MROH7: variants seen among roughly 807,000 people sequenced by gnomAD.
MROH7 encodes maestro heat-like repeat-containing protein family member 7.
Under a neutral mutation model 129.2 loss-of-function variants are expected in MROH7, and 113 were observed. The observed-to-expected ratio is 0.87, with a 90% confidence interval of 0.75 to 1.02. The LOEUF is 1.02. Ranked by LOEUF, MROH7 falls within the 50% of genes least tolerant of loss-of-function variation. The pLI is 0.00. For synonymous variants in MROH7, 655 were observed against 667.9 expected (o/e 0.98, Z 0.30); for missense variants, 1,601 against 1,671.3 (o/e 0.96, Z 0.73).
intron 3 of MROH7, chr1:54,663,896 G>T: frequency 5.1e-6 from 2 of 395,700 alleles, no homozygotes; most frequent in Non-Finnish European, 9.9e-6. Context: ...TACAATTGGT[G>T]TATCTACTTC....
chr1:54,678,824 C>T lies in MROH7; in HGVS notation c.2019C>T (p.Ser673=). ...KHFLGPYNPV[S]PCQNILRVIE... Reference sequence around the variant, plus strand: ...TCCTGGGGCCCTACAACCCTGTGAGCCCGTGCCAGAACATTCTGCGGGTGA... The same window carrying T: ...TCCTGGGGCCCTACAACCCTGTGAGTCCGTGCCAGAACATTCTGCGGGTGA... The change falls in exon 11 of 24, where the codon AGC becomes AGT. Residue 673 remains serine, a synonymous_variant. Coordinates refer to ENST00000421030, the MANE Select transcript of MROH7 (RefSeq NM_001039464.4). 6.2e-7 allele frequency: 1 copy of T among 1,614,020 alleles called. No homozygotes were observed. The highest frequency in any genetic ancestry group is 8.5e-7 in the Non-Finnish European group (1 of 1,179,936).
intron 17 of MROH7, 175 bp from the exon 18 acceptor site, chr1:54,700,146 C>T: frequency 1.2e-6 from 1 of 823,492 alleles, no homozygotes; most frequent in Non-Finnish European, 2.1e-6. Flanking sequence ...CTCAGCTTTG[C>T]CACATGGTGC....
intron 3 of MROH7, among the ~76,000 whole-genome samples, chr1:54,655,790 C>T (rs776053593): frequency 5.9e-5 from 9 of 152,028 alleles, no homozygotes; most frequent in Admixed American, 1.3e-4. Flanking sequence ...TTCACCTATT[C>T]ACACTTTCCT....
chr1:54,676,367 A>G (rs186711743), intron 10 of MROH7, among the ~76,000 whole-genome samples: 1 of 152,066 alleles, frequency 6.6e-6, no homozygotes, highest in Non-Finnish European at 1.5e-5. Context: ...CCTCCAGAGT[A>G]GCTGGGACTA....
intron 22 of MROH7, 116 bp from the exon 23 acceptor site, chr1:54,708,898 G>T: frequency 1.1e-6 from 1 of 881,650 alleles, no homozygotes; most frequent in South Asian, 1.4e-5. Context: ...GTGTTCTCAT[G>T]TGTGGGGCTG....
At chr1:54,693,665 G>C (rs576955197) in intron 16 of MROH7, among the ~76,000 whole-genome samples, 3 of 152,076 alleles carry the variant, frequency 2.0e-5, no homozygotes, top group Non-Finnish European at 4.4e-5. Flanking sequence ...AGCTTCCCAC[G>C]GGGTCAAGAG....
rs775981890 is a variant in MROH7, at chr1:54,653,645, T to G, written c.719T>G (p.Leu240Arg). ...GTAGCTCCAGATTCTCATGGGACCCTAATCCCAGACACAAATGAGACCATC... is the reference window on the plus strand; with the variant it reads ...GTAGCTCCAGATTCTCATGGGACCCGAATCCCAGACACAAATGAGACCATC... The part of the protein sequence containing the change: ...LNVAPDSHGT[L>R]IPDTNETITL... The change falls in exon 3 of 24, where the codon CTA (leucine) becomes CGA (arginine). Residue 240 changes from leucine (L) to arginine (R), a missense_variant. Physicochemically the swap from Leu to Arg is moderately radical, Grantham distance 102. Coordinates refer to ENST00000421030, the MANE Select transcript of MROH7 (RefSeq NM_001039464.4). The G allele has an allele frequency of 1.2e-5, 20 of 1,614,064 alleles. No homozygotes were observed. The highest frequency in any genetic ancestry group is 4.2e-6 in the Non-Finnish European group (5 of 1,180,032).
intron 3 of MROH7, chr1:54,664,081 C>T (rs1023645847): frequency 4.4e-5 from 9 of 205,452 alleles, no homozygotes; most frequent in Non-Finnish European, 6.0e-5. Flanking sequence ...CTGGACCAAT[C>T]GCTGTGGCTG....
rs201311095 is a variant in MROH7 at position 54,704,820 on chromosome 1, A to T, written c.3565-1615A>T. 8.6e-3 allele frequency among the ~76,000 whole-genome samples: 207 copies of T among 23,940 alleles called. 5 individuals carry two copies. Among genetic ancestry groups the T allele is most frequent in the Admixed American group, 0.068 (146 of 2,134 alleles). 15.7% of individuals were successfully genotyped at this position (23,940 alleles called of 152,430 possible). ...TTTTTTTTTTTTTTTTTTTTTTGAG[A>T]TGGAGTTTCACTCTTGTTCCCCAGG... On this transcript the variant is annotated intron_variant, in intron 21 of 23. Transcript: ENST00000421030.
chr1:54,685,466 C>T (rs560763980), intron 14 of MROH7, among the ~76,000 whole-genome samples: 11 of 152,366 alleles, frequency 7.2e-5, no homozygotes, highest in South Asian at 6.2e-4. Flanking sequence ...GGCCCAGAGG[C>T]GCCAGGGAGT....
chr1:54,706,557 G>C lies in MROH7; in HGVS notation c.3667+20G>C. The stretch of plus-strand genomic sequence containing the variant: ...TCATAGGTAACCTGCCCTGGCATAA[G>C]TCATCCTGCTGCCAGGGCTCTGCCT... On this transcript the variant is annotated intron_variant, in intron 22 of 23. Coordinates refer to ENST00000421030, the MANE Select transcript of MROH7 (RefSeq NM_001039464.4). The C allele has an allele frequency of 1.3e-6, 2 of 1,570,350 alleles. No homozygotes were observed. The highest frequency in any genetic ancestry group is 1.8e-6 in the Non-Finnish European group (2 of 1,141,342).
chr1:54,686,316 G>C lies in MROH7; in HGVS notation c.2579G>C (p.Arg860Pro). Residue 860 changes from arginine to proline, a missense_variant, in exon 15 of 24, where the codon CGC becomes CCC. Physicochemically the swap from Arg to Pro is moderately radical, Grantham distance 103. Transcript: ENST00000421030. ...SVNSCMGRVR[R>P]IYPQLLLALL... ...AACAGCTGCATGGGCCGTGTGAGGC[G>C]CATCTACCCTCAGCTGCTCCTGGCC... is the stretch of plus-strand genomic sequence containing the variant. 6.2e-7 allele frequency: 1 copy of C among 1,614,110 alleles called. No individual in the cohort carries two copies. Among genetic ancestry groups the C allele is most frequent in the Non-Finnish European group, 8.5e-7 (1 of 1,180,012 alleles).
chr1:54,696,715 A>G (rs1266500704), intron 17 of MROH7, among the ~76,000 whole-genome samples: 1 of 113,148 alleles, frequency 8.8e-6, no homozygotes, highest in African/African-American at 3.6e-5. Context: ...TCTGTTGCCC[A>G]GGTTGGAGTG....
At chr1:54,709,493 C>T (rs12029506) in intron 23 of MROH7, among the ~76,000 whole-genome samples, 19,628 of 152,206 alleles carry the variant, frequency 0.13, 1,407 homozygotes, top group East Asian at 0.31. Context: ...GCTGGGATTA[C>T]AGGCATGAGC....
In MROH7 at chr1:54,680,028, C is replaced by T. The variant is rs777334011; in HGVS notation, c.2364C>T (p.Cys788=). The part of the protein sequence containing the change: ...MTEVVVALLM[C]PLPLNSNGAE... ...AGGTTGTGGTGGCCCTGCTCATGTG[C>T]CCCCTCCCACTGAACAGGTACCAAG... The change falls in exon 13 of 24, where the codon TGC becomes TGT. Residue 788 remains cysteine (C), a synonymous_variant. Transcript: ENST00000421030. The T allele has an allele frequency of 1.2e-6, 2 of 1,613,888 alleles. No individual in the cohort carries two copies. The highest frequency in any genetic ancestry group is 8.5e-7 in the Non-Finnish European group (1 of 1,179,906).
chr1:54,653,333 C>A lies in MROH7; in HGVS notation c.407C>A (p.Ala136Asp), dbSNP rs530118000. The change falls in exon 3 of 24, where the codon GCC becomes GAC. Residue 136 changes from alanine (A) to aspartate (D), a missense_variant. Coordinates refer to ENST00000421030, the MANE Select transcript of MROH7 (RefSeq NM_001039464.4). ...ATTCTGAGCCCTAGCTCTACTGAGG[C>A]CCCTCGTCTGAGCTCTGGGAACCAC... is the stretch of plus-strand genomic sequence containing the variant. ...NPILSPSSTE[A>D]PRLSSGNHPQ... is the part of the protein sequence containing the mutation. 1.6e-4 allele frequency: 260 copies of A among 1,614,174 alleles called. 4 individuals carry two copies. The South Asian group carries it at 2.7e-3, about 17-fold the overall frequency.
At position 54,670,353 on chromosome 1, in the gene MROH7, C is replaced by T. The variant is rs1450336792; in HGVS notation, c.1390-144C>T. 9.3e-6 allele frequency: 6 copies of T among 642,614 alleles called. No individual in the cohort carries two copies. The African/African-American group carries it at 1.1e-4, about 12-fold the overall frequency. The allele number at this position is 642,614 out of a possible 1,614,324, so 39.8% of individuals were successfully genotyped here. On this transcript the variant is annotated intron_variant, in intron 5 of 23. Coordinates refer to ENST00000421030, the MANE Select transcript of MROH7 (RefSeq NM_001039464.4). Reference sequence around the variant, plus strand: ...AGTGTGGTGGCATGAGCCTATAGTCCCAGTTACTTGGGAAGCTGAGGCGGG... The same window carrying T: ...AGTGTGGTGGCATGAGCCTATAGTCTCAGTTACTTGGGAAGCTGAGGCGGG...
intron 17 of MROH7, chr1:54,699,119 T>TTTCTTTCTTTCTTTCTTTC (rs1645375676): frequency 1.2e-5 from 1 of 86,712 alleles, no homozygotes; most frequent in East Asian, 3.2e-4. Flanking sequence ...TCTTTCTTTC[T>TTTCTTTCTTTCTTTCTTTC]TTCTTTCTTT....
chr1:54,694,519 T>A (rs969173526), intron 16 of MROH7, among the ~76,000 whole-genome samples: 1 of 152,102 alleles, frequency 6.6e-6, no homozygotes, highest in Non-Finnish European at 1.5e-5. Context: ...CAGGCTGGAG[T>A]GCAGTGGCAC....
Sources: gnomAD v4.1 joint callset for allele counts (sites outside exome capture counted in the v4.1 genomes callset) on GRCh38, gnomAD v4.1.1 for gene constraint, MANE v1.5 for transcripts, NCBI Gene and HGNC (gene_info 2026-07-23, HGNC 2026-07-21) for gene names.